Variants in IL1RAPL1 observed in about 807,000 individuals in gnomAD.
IL1RAPL1 encodes interleukin 1 receptor accessory protein like 1.
In IL1RAPL1, 3 loss-of-function variants were observed where a neutral mutation model predicts 48.4. The ratio of observed to expected loss-of-function variants is 0.06; its 90% CI spans 0.03 to 0.16. The LOEUF (loss-of-function observed/expected upper bound fraction) is 0.16, where lower values mean the gene tolerates loss of function less well. IL1RAPL1 is among the 10% of genes least tolerant of loss of function. The pLI is 1.00. For synonymous variants in IL1RAPL1, 185 were observed against 187.7 expected (o/e 0.99, Z 0.12); for missense variants, 349 against 530.6 (o/e 0.66, Z 3.36).
chrX:28,921,464 C>G (rs180726889), intron 2 of IL1RAPL1, among the ~76,000 whole-genome samples: 172 of 111,537 alleles, frequency 1.5e-3, no homozygotes, highest in Non-Finnish European at 2.6e-3. Context: ...GTTATATGCC[C>G]TTCTGGTGGA....
chrX:28,910,486 A>G (rs773714571), intron 2 of IL1RAPL1, among the ~76,000 whole-genome samples: 5 of 110,500 alleles, frequency 4.5e-5, no homozygotes, highest in Admixed American at 9.7e-5. Context: ...AAAGCAGAAG[A>G]GGAAAGAATT....
chrX:28,977,513 C>T (rs1925234149), intron 2 of IL1RAPL1, among the ~76,000 whole-genome samples: 1 of 112,077 alleles, frequency 8.9e-6, no homozygotes, highest in Non-Finnish European at 1.9e-5. Flanking sequence ...AGTCAACTTC[C>T]ACCAGGCCCG....
chrX:28,594,668 C>A (rs928696140), intron 1 of IL1RAPL1, among the ~76,000 whole-genome samples: 1 of 112,030 alleles, frequency 8.9e-6, no homozygotes, highest in African/African-American at 3.2e-5. Flanking sequence ...TATGTCCTGG[C>A]ATACAGCATT....
chrX:29,138,373 C>T (rs1431730215), intron 2 of IL1RAPL1, among the ~76,000 whole-genome samples: 1 of 112,224 alleles, frequency 8.9e-6, no homozygotes, highest in African/African-American at 3.2e-5. Flanking sequence ...TGCATTTTAG[C>T]ATCAACTGTA....
chrX:29,801,094 G>A (rs1242696680), intron 6 of IL1RAPL1, among the ~76,000 whole-genome samples: 2 of 65,108 alleles, frequency 3.1e-5, no homozygotes, highest in African/African-American at 1.2e-4. Context: ...ATCTTTTAAT[G>A]TTAGTTTATA....
intron 6 of IL1RAPL1, among the ~76,000 whole-genome samples, chrX:29,743,081 A>C (rs1341582722): frequency 9.1e-6 from 1 of 109,675 alleles, no homozygotes. Context: ...ATACATATGT[A>C]ATATGACAGT....
intron 6 of IL1RAPL1, among the ~76,000 whole-genome samples, chrX:29,811,374 G>A (rs1601835901): frequency 9.0e-6 from 1 of 110,549 alleles, no homozygotes; most frequent in African/African-American, 3.3e-5. Context: ...AATGTTCGAG[G>A]GCAGGAAGCA....
chrX:28,971,877 TG>T (rs1323917390), intron 2 of IL1RAPL1, among the ~76,000 whole-genome samples: 1 of 7,632 alleles, frequency 1.3e-4, no homozygotes, highest in Non-Finnish European at 2.0e-4. Context: ...CTCTGAAAAT[TG>T]TGTGTGTGTG....
intron 2 of IL1RAPL1, among the ~76,000 whole-genome samples, chrX:29,092,176 A>T (rs1928105510): frequency 8.9e-6 from 1 of 111,901 alleles, no homozygotes. Context: ...TAGTAATTTA[A>T]CTAATTGATT....
At chrX:29,087,134 A>AATT (rs1161165717) in intron 2 of IL1RAPL1, among the ~76,000 whole-genome samples, 1 of 84,688 alleles carries the variant, frequency 1.2e-5, no homozygotes, top group African/African-American at 4.9e-5. Flanking sequence ...TTATTTAAAA[A>AATT]TTTTTTTTTT....
At chrX:28,673,625 G>A (rs1210307252) in intron 1 of IL1RAPL1, among the ~76,000 whole-genome samples, 1 of 111,360 alleles carries the variant, frequency 9.0e-6, no homozygotes, top group Non-Finnish European at 1.9e-5. Flanking sequence ...AGAAAGAGCT[G>A]AGCAGCATGG....
chrX:29,713,677 G>A (rs759388476), intron 6 of IL1RAPL1, among the ~76,000 whole-genome samples: 2 of 111,494 alleles, frequency 1.8e-5, no homozygotes, highest in Non-Finnish European at 3.8e-5. Flanking sequence ...GTAGACTGCT[G>A]TTGTTGTGAA....
At position 29,742,775 on chromosome X, in the gene IL1RAPL1, C is replaced by T. The variant is rs761744151; in HGVS notation, c.778+74271C>T. 3.6e-5 allele frequency among the ~76,000 whole-genome samples: 4 copies of T among 111,593 alleles called. No homozygotes were observed. In the South Asian group the frequency reaches 1.5e-3, roughly 41 times the overall value. ...TTTGATGATTAATAATAGTAAATAC[C>T]ATTATCACACTCAAATATGACTCTT... On this transcript the variant is annotated intron_variant, in intron 6 of 10. Transcript: ENST00000378993.
intron 2 of IL1RAPL1, among the ~76,000 whole-genome samples, chrX:29,280,688 C>T (rs1027870807): frequency 6.2e-5 from 7 of 112,062 alleles, no homozygotes; most frequent in African/African-American, 2.3e-4. Context: ...GTGAGAAGGA[C>T]AAAGTCCCTG....
intron 5 of IL1RAPL1, among the ~76,000 whole-genome samples, chrX:29,588,771 C>T (rs1923268095): frequency 8.9e-6 from 1 of 111,999 alleles, no homozygotes; most frequent in Non-Finnish European, 1.9e-5. Flanking sequence ...GGCGAATAGT[C>T]AGAAGTTGTT....
At chrX:29,279,133 C>A (rs1329773200) in intron 2 of IL1RAPL1, among the ~76,000 whole-genome samples, 1 of 112,245 alleles carries the variant, frequency 8.9e-6, no homozygotes, top group Non-Finnish European at 1.9e-5. Context: ...ATAGGTCCAT[C>A]ATTTGTTTAA....
At chrX:29,487,798 A>T (rs1200636977) in intron 5 of IL1RAPL1, among the ~76,000 whole-genome samples, 1 of 111,981 alleles carries the variant, frequency 8.9e-6, no homozygotes, top group African/African-American at 3.3e-5. Flanking sequence ...TCCTGGGTAG[A>T]TGTAGCTCAT....
intron 2 of IL1RAPL1, among the ~76,000 whole-genome samples, chrX:29,193,756 C>T (rs1215875930): frequency 9.0e-6 from 1 of 111,239 alleles, no homozygotes; most frequent in Non-Finnish European, 1.9e-5. Flanking sequence ...AGAATTAATA[C>T]ACACATAGGC....
chrX:29,317,094 G>T (rs1932773224), intron 3 of IL1RAPL1, among the ~76,000 whole-genome samples: 1 of 111,214 alleles, frequency 9.0e-6, no homozygotes, highest in Admixed American at 9.6e-5. Context: ...TTTACAGCAG[G>T]ATCAATGATT....
Sources: allele counts gnomAD v4.1 joint callset (sites outside exome capture counted in the v4.1 genomes callset), GRCh38; gene constraint gnomAD v4.1.1; transcripts MANE v1.5; gene names NCBI Gene and HGNC (gene_info 2026-07-23, HGNC 2026-07-21).